Variants in OR56A3 observed in about 807,000 individuals in gnomAD.
OR56A3 encodes the protein olfactory receptor 56A3.
OR56A3 carries 23 observed loss-of-function variants against 17.5 expected under a neutral mutation model. That is an observed-to-expected ratio of 1.32 (90% CI 0.95 to 1.87). The LOEUF is 1.87. Among genes scored for constraint, OR56A3 ranks in the 40% most tolerant of loss-of-function variants. OR56A3 has a pLI of 0.00. For synonymous variants in OR56A3, 175 were observed against 150.6 expected, an observed-to-expected ratio of 1.16 and a Z score of -1.19; for missense variants, 366 against 380.1, an observed-to-expected ratio of 0.96 and a Z score of 0.31.
At chr11:5,987,012 C>T in the OR56A3 span, 1 of 1,331,738 alleles carries the variant, frequency 7.5e-7, no homozygotes, top group Admixed American at 2.1e-5. Flanking sequence ...ACTTCAACTG[C>T]AAACGAAGGG....
chr11:5,995,460 C>T, the OR56A3 span, among the ~76,000 whole-genome samples: 1 of 152,118 alleles, frequency 6.6e-6, no homozygotes, highest in Non-Finnish European at 1.5e-5. Context: ...TGGTGATGGT[C>T]ACATGGCACC....
rs1204929571 is a variant in OR56A3, at chr11:5,949,339, T to TGG, written c.*1047_*1048dup. ...TGAGGAATGGGATAAAAGATATGTA[T>TGG]GGGCAGTAAGATACTTGGTCCTGTA... On this transcript the variant is annotated 3_prime_UTR_variant, in exon 3 of 3. Transcript: ENST00000641160. 2 of 152,194 alleles carry TGG rather than the reference T, an allele frequency of 1.3e-5. No homozygotes were observed. Among genetic ancestry groups the TGG allele is most frequent in the African/African-American group, 4.8e-5 (2 of 41,460 alleles). 9.4% of individuals were successfully genotyped at this position (152,194 alleles called of 1,614,324 possible).
the OR56A3 span, chr11:6,003,233 A>C: frequency 1.2e-6 from 1 of 817,154 alleles, no homozygotes; most frequent in Non-Finnish European, 1.9e-6. Flanking sequence ...TTTAAAAAAT[A>C]CTAAGGAGTA....
the OR56A3 span, among the ~76,000 whole-genome samples, chr11:5,974,897 T>G: frequency 6.6e-6 from 1 of 152,268 alleles, no homozygotes; most frequent in Non-Finnish European, 1.5e-5. Context: ...GTAAGCACTA[T>G]ATGAGTTAGT....
the OR56A3 span, among the ~76,000 whole-genome samples, chr11:6,011,669 C>T: frequency 6.6e-6 from 1 of 152,116 alleles, no homozygotes; most frequent in South Asian, 2.1e-4. Context: ...CTGAGTTTTG[C>T]CTGGGCCCAC....
chr11:5,990,151 C>T, the OR56A3 span, among the ~76,000 whole-genome samples: 1 of 152,232 alleles, frequency 6.6e-6, no homozygotes, highest in Non-Finnish European at 1.5e-5. Flanking sequence ...CTTATTTCAG[C>T]AGCCCCAGAG....
chr11:5,993,881 C>A, the OR56A3 span: 1 of 519,212 alleles, frequency 1.9e-6, no homozygotes, highest in Non-Finnish European at 3.5e-6. Flanking sequence ...GGCTTAATGT[C>A]TCAGAACTTT....
chr11:5,975,629 C>T, the OR56A3 span, among the ~76,000 whole-genome samples: 4 of 151,914 alleles, frequency 2.6e-5, no homozygotes, highest in Non-Finnish European at 5.9e-5. Flanking sequence ...TGGCTTGATT[C>T]CAAGTCTTTG....
the OR56A3 span, chr11:5,967,974 C>A: frequency 1.3e-6 from 2 of 1,590,998 alleles, no homozygotes; most frequent in East Asian, 2.3e-5. Flanking sequence ...GATGATGTGT[C>A]CTGCACAGTA....
At chr11:5,981,061 G>A in the OR56A3 span, among the ~76,000 whole-genome samples, 10 of 152,238 alleles carry the variant, frequency 6.6e-5, no homozygotes, top group African/African-American at 2.4e-4. Flanking sequence ...CCTTTTGTAG[G>A]TGGCCTGCCT....
chr11:5,955,332 C>A (rs1022774431), downstream of OR56A3, among the ~76,000 whole-genome samples: 1 of 152,126 alleles, frequency 6.6e-6, no homozygotes, highest in African/African-American at 2.4e-5. Context: ...TAAAGGAAAA[C>A]AACTAAATGT....
At chr11:5,961,878 C>T in the OR56A3 span, among the ~76,000 whole-genome samples, 8 of 151,966 alleles carry the variant, frequency 5.3e-5, no homozygotes, top group African/African-American at 1.9e-4. Context: ...TTCCAATTTG[C>T]ATGCCTTTTA....
At chr11:5,986,482 T>C in the OR56A3 span, 1 of 1,613,964 alleles carries the variant, frequency 6.2e-7, no homozygotes, top group South Asian at 1.1e-5. Flanking sequence ...GATTGTGGAA[T>C]GGTGCAAGGG....
At chr11:5,947,118 T>C (rs966773882) in intron 2 of OR56A3, among the ~76,000 whole-genome samples, 193 bp from the exon 3 acceptor site, 2 of 152,164 alleles carry the variant, frequency 1.3e-5, no homozygotes, top group Non-Finnish European at 2.9e-5. Context: ...TATAGAGGAA[T>C]CATGTCACCT....
chr11:5,968,338 A>G, the OR56A3 span: 11 of 1,613,444 alleles, frequency 6.8e-6, no homozygotes, highest in African/African-American at 1.3e-5. Flanking sequence ...GCTTCCAGAT[A>G]GATGGTGATC....
the OR56A3 span, among the ~76,000 whole-genome samples, chr11:5,982,973 G>A: frequency 1.3e-5 from 2 of 151,912 alleles, no homozygotes; most frequent in Non-Finnish European, 2.9e-5. Context: ...CCCTCAGTCT[G>A]CTCTCAATTC....
At chr11:5,969,418 T>C in the OR56A3 span, among the ~76,000 whole-genome samples, 1 of 152,350 alleles carries the variant, frequency 6.6e-6, no homozygotes, top group East Asian at 1.9e-4. Context: ...ATGCAAGTCC[T>C]CTACTTCCCA....
chr11:5,966,074 A>G, the OR56A3 span, among the ~76,000 whole-genome samples: 3 of 152,220 alleles, frequency 2.0e-5, no homozygotes, highest in Non-Finnish European at 4.4e-5. Flanking sequence ...ACAATACTAT[A>G]GAAATAATAA....
intron 2 of OR56A3, among the ~76,000 whole-genome samples, chr11:5,945,579 TAAAA>T (rs3082300): frequency 2.5e-3 from 281 of 114,528 alleles, no homozygotes; most frequent in Non-Finnish European, 3.3e-3. Context: ...AGACCCCATA[TAAAA>T]AAAAAAAAAA....
Sources: gnomAD v4.1 joint callset for allele counts (sites outside exome capture counted in the v4.1 genomes callset) on GRCh38, gnomAD v4.1.1 for gene constraint, MANE v1.5 for transcripts, NCBI Gene and HGNC (gene_info 2026-07-23, HGNC 2026-07-21) for gene names.